The following PLCH2 variants were observed in gnomAD, a reference collection of about 807,000 sequenced individuals.
The protein encoded by PLCH2 is phospholipase C eta 2.
Under a neutral mutation model 134.7 loss-of-function variants are expected in PLCH2, and 98 were observed. The ratio of observed to expected loss-of-function variants is 0.73; its 90% CI spans 0.62 to 0.86. The LOEUF (loss-of-function observed/expected upper bound fraction) is 0.86. PLCH2 is among the 40% of genes least tolerant of loss of function. The pLI is 0.00. For missense variants in PLCH2, 1,994 were observed against 1,986.6 expected, an observed-to-expected ratio of 1.00 and a Z score of -0.07; for synonymous variants, 974 against 827.5, an observed-to-expected ratio of 1.18 and a Z score of -3.04.
the PLCH2 span, among the ~76,000 whole-genome samples, chr1:2,417,670 G>C: frequency 6.6e-6 from 1 of 152,204 alleles, no homozygotes; most frequent in Admixed American, 6.5e-5. Context: ...AGCCGGTGAG[G>C]GGCTGTGTGC....
chr1:2,449,407 G>T lies in PLCH2; in HGVS notation c.115+18778G>T, dbSNP rs527433343. On this transcript the variant is annotated intron_variant, in intron 2 of 3. Coordinates refer to the PLCH2 transcript ENST00000609981. Reference sequence around the variant, plus strand: ...CTTGGGAGGCTGAGGCAGGAGAATCGCTTGAACCTGGGAGGTGGCAGAGGT... The same window carrying T: ...CTTGGGAGGCTGAGGCAGGAGAATCTCTTGAACCTGGGAGGTGGCAGAGGT... 3.3e-4 allele frequency among the ~76,000 whole-genome samples: 51 copies of T among 152,302 alleles called. 1 individual carries two copies. The highest frequency in any genetic ancestry group is 1.6e-3 in the Admixed American group (25 of 15,298).
At chr1:2,420,748 T>C in the PLCH2 span, among the ~76,000 whole-genome samples, 1 of 152,196 alleles carries the variant, frequency 6.6e-6, no homozygotes, top group Non-Finnish European at 1.5e-5. Context: ...GAGTCGCTCC[T>C]CTCTCGATTG....
At chr1:2,422,053 C>G (rs1454956182), upstream of PLCH2, among the ~76,000 whole-genome samples, 6 of 152,142 alleles carry the variant, frequency 3.9e-5, no homozygotes, top group East Asian at 1.2e-3. Context: ...GGAGGATCAC[C>G]TGAGGCCAGG....
At chr1:2,485,506 C>CCT (rs1028258250) in intron 5 of PLCH2, among the ~76,000 whole-genome samples, 2 of 152,130 alleles carry the variant, frequency 1.3e-5, no homozygotes, top group African/African-American at 4.8e-5. Context: ...GACCAAGATG[C>CCT]CTCGGCCTGG....
At chr1:2,503,829 C>T in intron 21 of PLCH2, 93 bp from the exon 22 acceptor site, 1 of 637,866 alleles carries the variant, frequency 1.6e-6, no homozygotes, top group Admixed American at 2.3e-5. Flanking sequence ...GGGACACCAC[C>T]CTGATCCGAC....
chr1:2,476,372 C>T lies in PLCH2; in HGVS notation c.-217C>T. ...GAGGGTGGATAGGCTGGCCTGGGGGCCATCAGGACAGCAGGTGACGGTCAG... is the reference window on the plus strand; with the variant it reads ...GAGGGTGGATAGGCTGGCCTGGGGGTCATCAGGACAGCAGGTGACGGTCAG... On this transcript the variant is annotated 5_prime_UTR_variant, in exon 1 of 22. Transcript: ENST00000378486. The T allele has an allele frequency of 2.2e-6, 1 of 462,306 alleles. No individual in the cohort carries two copies. The highest frequency in any genetic ancestry group is 3.8e-6 in the Non-Finnish European group (1 of 264,432). The allele number at this position is 462,306 out of a possible 1,614,324, so 28.6% of individuals were successfully genotyped here.
upstream of PLCH2, among the ~76,000 whole-genome samples, chr1:2,464,656 C>A (rs1197301458): frequency 6.6e-6 from 1 of 152,234 alleles, no homozygotes; most frequent in Non-Finnish European, 1.5e-5. Context: ...AGGTGCACTG[C>A]AGGGAAGCCG....
At chr1:2,459,232 G>A (rs944759763) in intron 2 of PLCH2, among the ~76,000 whole-genome samples, 2 of 152,262 alleles carry the variant, frequency 1.3e-5, no homozygotes, top group African/African-American at 2.4e-5. Flanking sequence ...GCCCTCTCTG[G>A]CTTGTTTATT....
At chr1:2,447,661 A>G (rs985868026) in intron 2 of PLCH2, among the ~76,000 whole-genome samples, 4 of 152,194 alleles carry the variant, frequency 2.6e-5, no homozygotes, top group African/African-American at 9.6e-5. Flanking sequence ...AAATGTCCCC[A>G]GCTTGATCTC....
chr1:2,495,485 CAGA>C lies in PLCH2; in HGVS notation c.1756_1758del (p.Lys586del), dbSNP rs1558024024. The C allele has an allele frequency of 2.9e-5, 45 of 1,551,214 alleles. No individual in the cohort carries two copies. The highest frequency in any genetic ancestry group is 3.6e-5 in the Non-Finnish European group (41 of 1,146,720). On this transcript the variant is annotated splice_acceptor_variant and coding_sequence_variant, in exon 13 of 22. Transcript: ENST00000378486. LOFTEE classifies it high-confidence loss of function. ...ACAGCTCACACCTCTGCCCCCCGCA[CAGA>C]AGAAGGGCAGCAAGCTGAAGAAGGC...
intron 2 of PLCH2, among the ~76,000 whole-genome samples, chr1:2,450,781 G>A (rs968517933): frequency 1.4e-4 from 18 of 124,622 alleles, no homozygotes; most frequent in African/African-American, 5.3e-4. Flanking sequence ...CCAGACCCTT[G>A]GACCAGGCGC....
intron 16 of PLCH2, 76 bp downstream of exon 16, chr1:2,497,685 C>T (rs530877932): frequency 4.2e-5 from 43 of 1,022,926 alleles, no homozygotes; most frequent in Middle Eastern, 2.4e-4. Flanking sequence ...GAACAGAGAT[C>T]GGAGCCCCAC....
At chr1:2,483,409 C>CGAG in intron 4 of PLCH2, among the ~76,000 whole-genome samples, 1 of 152,308 alleles carries the variant, frequency 6.6e-6, no homozygotes, top group East Asian at 1.9e-4. Context: ...AGGTGTGAAA[C>CGAG]GAGCTGTCAG....
At chr1:2,436,758 C>G (rs1639443622) in intron 2 of PLCH2, among the ~76,000 whole-genome samples, 1 of 152,220 alleles carries the variant, frequency 6.6e-6, no homozygotes, top group Non-Finnish European at 1.5e-5. Flanking sequence ...TGGAAACTGG[C>G]ACTGAGTGGG....
intron 2 of PLCH2, among the ~76,000 whole-genome samples, chr1:2,435,573 G>A (rs74346965): frequency 0.033 from 4,947 of 152,164 alleles, 190 homozygotes; most frequent in East Asian, 0.13. Context: ...CCTCAATGGG[G>A]TCCCTGGGGA....
In PLCH2 at chr1:2,479,729, C is replaced by A. The variant is rs571160333; in HGVS notation, c.272-5C>A. 6.5e-7 allele frequency: 1 copy of A among 1,534,472 alleles called. No homozygotes were observed. The highest frequency in any genetic ancestry group is 8.8e-7 in the Non-Finnish European group (1 of 1,134,416). On this transcript the variant is annotated splice_polypyrimidine_tract_variant and splice_region_variant and intron_variant, in intron 2 of 21. Coordinates refer to ENST00000378486, the MANE Select transcript of PLCH2 (RefSeq NM_014638.4). ...CCTGACCCGTGCTCCCTCCCCACCC[C>A]GCAGTCTCCATCGACTCCATCCAGG...
At chr1:2,442,061 C>T (rs1025238812) in intron 2 of PLCH2, among the ~76,000 whole-genome samples, 1 of 152,128 alleles carries the variant, frequency 6.6e-6, no homozygotes, top group African/African-American at 2.4e-5. Context: ...GCCTCGGGAG[C>T]GGAGCTGGCC....
chr1:2,452,329 C>G (rs1191866393), intron 2 of PLCH2, among the ~76,000 whole-genome samples: 1 of 152,198 alleles, frequency 6.6e-6, no homozygotes, highest in Non-Finnish European at 1.5e-5. Context: ...GTAGCAGCCC[C>G]GTGGAAGTAT....
upstream of PLCH2, among the ~76,000 whole-genome samples, chr1:2,424,447 C>T (rs1171092983): frequency 6.6e-6 from 1 of 152,204 alleles, no homozygotes; most frequent in Non-Finnish European, 1.5e-5. Flanking sequence ...TTAGATTCTA[C>T]ATATAAGTGA....
Sources: gnomAD v4.1 joint callset for allele counts (sites outside exome capture counted in the v4.1 genomes callset) on GRCh38, gnomAD v4.1.1 for gene constraint, MANE v1.5 for transcripts, NCBI Gene and HGNC (gene_info 2026-07-23, HGNC 2026-07-21) for gene names.